PLCB4: variants seen among roughly 807,000 people sequenced by gnomAD.
PLCB4 encodes the protein 1-phosphatidylinositol 4,5-bisphosphate phosphodiesterase beta-4.
A neutral mutation model predicts 178.8 loss-of-function variants in PLCB4; 77 were observed. The ratio of observed to expected loss-of-function variants is 0.43; its 90% CI spans 0.36 to 0.52. The LOEUF is 0.52. PLCB4 is among the 20% of genes least tolerant of loss of function. PLCB4 has a pLI of 0.00. For synonymous variants in PLCB4, 496 were observed against 490.8 expected (o/e 1.01, Z -0.14); for missense variants, 1,024 against 1,453.4 (o/e 0.70, Z 4.80).
intron 2 of PLCB4, among the ~76,000 whole-genome samples, chr20:9,115,145 C>A (rs1284482038): frequency 1.3e-5 from 2 of 151,980 alleles, no homozygotes; most frequent in African/African-American, 4.8e-5. Context: ...AATAAGTAAA[C>A]CTTATTCTAA....
At chr20:9,273,884 G>A (rs1290175653) in intron 3 of PLCB4, among the ~76,000 whole-genome samples, 1 of 152,036 alleles carries the variant, frequency 6.6e-6, no homozygotes, top group East Asian at 1.9e-4. Context: ...AGTTAGTTGG[G>A]CTTCTGTGTA....
At chr20:9,258,022 GA>G (rs112712204) in intron 3 of PLCB4, among the ~76,000 whole-genome samples, 3 of 151,186 alleles carry the variant, frequency 2.0e-5, no homozygotes, top group Admixed American at 6.6e-5. Flanking sequence ...CCAAGAGTTG[GA>G]AAAAAAAATT....
rs10626848 is a variant in PLCB4 at position 9,085,067 on chromosome 20, A to AAAAAG, written c.-134-11219_-134-11218insAAAGA. Among the ~76,000 whole-genome samples, 400 of 143,392 alleles carry AAAAAG rather than the reference A, an allele frequency of 2.8e-3. 24 individuals carry two copies. The highest frequency in any genetic ancestry group is 3.9e-3 in the Non-Finnish European group (256 of 65,684). 94.1% of individuals were successfully genotyped at this position (143,392 alleles called of 152,430 possible). On this transcript the variant is annotated intron_variant, in intron 1 of 39. Transcript: ENST00000378473. ...GACTCCATCTCAAAAAAAAAAAAAA[A>AAAAAG]AGAATATATTACTTTTTCTTTTTCC...
chr20:9,319,475 A>G (rs1360586907), intron 4 of PLCB4, among the ~76,000 whole-genome samples: 1 of 152,202 alleles, frequency 6.6e-6, no homozygotes, highest in Non-Finnish European at 1.5e-5. Context: ...GGATTGGCTT[A>G]CACAATTATG....
At chr20:9,233,988 A>G (rs796806880) in intron 3 of PLCB4, among the ~76,000 whole-genome samples, 1 of 152,160 alleles carries the variant, frequency 6.6e-6, no homozygotes, top group Non-Finnish European at 1.5e-5. Flanking sequence ...TTAGGTAGCT[A>G]TTGGATTAAC....
At chr20:9,247,710 C>T (rs890402040) in intron 3 of PLCB4, among the ~76,000 whole-genome samples, 3 of 152,108 alleles carry the variant, frequency 2.0e-5, no homozygotes, top group Admixed American at 2.0e-4. Flanking sequence ...GGTTCTGAAA[C>T]AAAGTGCAGA....
chr20:9,467,530 C>T (rs1378992909), intron 35 of PLCB4, among the ~76,000 whole-genome samples: 1 of 152,216 alleles, frequency 6.6e-6, no homozygotes, highest in Non-Finnish European at 1.5e-5. Flanking sequence ...TGTGTTTCTT[C>T]CTCATGATCA....
At chr20:9,202,378 A>G (rs1568941309) in intron 2 of PLCB4, among the ~76,000 whole-genome samples, 1 of 152,236 alleles carries the variant, frequency 6.6e-6, no homozygotes, top group Non-Finnish European at 1.5e-5. Context: ...GTGAATTAAA[A>G]ATAAAAATAA....
chr20:9,098,209 T>C (rs1339680577), intron 2 of PLCB4, among the ~76,000 whole-genome samples: 1 of 152,178 alleles, frequency 6.6e-6, no homozygotes, highest in Non-Finnish European at 1.5e-5. Context: ...AGGATAATCT[T>C]TGATAGAATG....
intron 9 of PLCB4, among the ~76,000 whole-genome samples, chr20:9,367,730 G>T (rs2148271927): frequency 6.6e-6 from 1 of 152,298 alleles, no homozygotes; most frequent in South Asian, 2.1e-4. Context: ...GGTTTCATTT[G>T]TATGTATCCT....
intron 4 of PLCB4, among the ~76,000 whole-genome samples, chr20:9,320,286 G>A (rs541881023): frequency 3.3e-5 from 5 of 152,300 alleles, no homozygotes; most frequent in South Asian, 2.1e-4. Flanking sequence ...GGACATTGCC[G>A]TGGCATTTGT....
At chr20:9,410,973 C>T in intron 24 of PLCB4, 64 bp from the exon 25 acceptor site, 2 of 1,154,632 alleles carry the variant, frequency 1.7e-6, no homozygotes, top group African/African-American at 1.5e-5. Flanking sequence ...TGTTTCAAAT[C>T]ACCCCGTCAG....
At chr20:9,096,730 T>TA (rs1361248913) in intron 2 of PLCB4, among the ~76,000 whole-genome samples, 1 of 152,194 alleles carries the variant, frequency 6.6e-6, no homozygotes, top group African/African-American at 2.4e-5. Flanking sequence ...CTGTGGCCAG[T>TA]AAAAAATGTG....
chr20:9,431,590 C>T (rs151198966), intron 28 of PLCB4, among the ~76,000 whole-genome samples: 2 of 151,874 alleles, frequency 1.3e-5, no homozygotes, highest in South Asian at 2.1e-4. Flanking sequence ...CTCAGCCTCC[C>T]GAGTAGCTGG....
intron 2 of PLCB4, among the ~76,000 whole-genome samples, chr20:9,101,467 C>G (rs1447629944): frequency 6.6e-6 from 1 of 152,114 alleles, no homozygotes; most frequent in Non-Finnish European, 1.5e-5. Flanking sequence ...TTCCCAGTAA[C>G]AAACTCTATA....
At chr20:9,390,459 G>T in intron 16 of PLCB4, 72 bp from the exon 17 acceptor site, 1 of 711,600 alleles carries the variant, frequency 1.4e-6, no homozygotes, top group Non-Finnish European at 2.6e-6. Flanking sequence ...TAATTGCCTA[G>T]TAATGGGTGT....
intron 35 of PLCB4, among the ~76,000 whole-genome samples, chr20:9,462,790 A>T (rs139381174): frequency 0.022 from 3,381 of 152,294 alleles, 135 homozygotes; most frequent in African/African-American, 0.076. Flanking sequence ...TCTGTGTTTG[A>T]TTGGTGTACC....
At chr20:9,250,741 C>T (rs1405183299) in intron 3 of PLCB4, among the ~76,000 whole-genome samples, 2 of 152,164 alleles carry the variant, frequency 1.3e-5, no homozygotes, top group Admixed American at 1.3e-4. Flanking sequence ...GATTACTTCA[C>T]CTCAAACTCC....
chr20:9,380,117 C>A lies in PLCB4; in HGVS notation c.808C>A (p.Gln270Lys). The change falls in exon 13 of 40, where the codon CAG (glutamine) becomes AAG (lysine). Residue 270 changes from glutamine (Q) to lysine (K), a missense_variant. This residue lies in a region of PLCB4 where 37 missense variants were observed against 28.6 expected (regional missense o/e 1.30). Transcript: ENST00000378473. Reference sequence around the variant, plus strand: ...ATTTTATGATGCCAAAAGGGCAATGCAGATCATTGAGATGTATGAACCTGA... The same window carrying A: ...ATTTTATGATGCCAAAAGGGCAATGAAGATCATTGAGATGTATGAACCTGA... ...FPFYDAKRAM[Q>K]IIEMYEPDED... 6.3e-7 allele frequency: 1 copy of A among 1,589,020 alleles called. No homozygotes were observed. The highest frequency in any genetic ancestry group is 8.6e-7 in the Non-Finnish European group (1 of 1,164,282).
Sources: allele counts gnomAD v4.1 joint callset (sites outside exome capture counted in the v4.1 genomes callset), GRCh38; gene constraint gnomAD v4.1.1; regional missense constraint gnomAD v4.1.1; transcripts MANE v1.5; gene names NCBI Gene and HGNC (gene_info 2026-07-23, HGNC 2026-07-21).